RTL4: variants seen among roughly 807,000 people sequenced by gnomAD.
RTL4 encodes retrotransposon Gag like 4.
In RTL4, 4 loss-of-function variants were observed where a neutral mutation model predicts 5.3. That is an observed-to-expected ratio of 0.75 (90% CI 0.37 to 1.72). The LOEUF (loss-of-function observed/expected upper bound fraction) is 1.72. RTL4 is among the 40% of genes most tolerant of loss of function. The pLI is 0.04. For missense variants in RTL4, 260 were observed against 227.1 expected, an observed-to-expected ratio of 1.14 and a Z score of -0.93; for synonymous variants, 98 against 87.3, an observed-to-expected ratio of 1.12 and a Z score of -0.68.
chrX:112,116,542 G>A, the RTL4 span, among the ~76,000 whole-genome samples: 20 of 111,596 alleles, frequency 1.8e-4, no homozygotes, highest in African/African-American at 6.2e-4. Flanking sequence ...TTTACAGAGT[G>A]CTGATTGGTC....
At chrX:112,236,398 A>AATATAGATATATATCTATATCTAT in the RTL4 span, among the ~76,000 whole-genome samples, 1 of 67,388 alleles carries the variant, frequency 1.5e-5, no homozygotes, top group African/African-American at 5.6e-5. Context: ...ATATATATAT[A>AATATAGATATATATCTATATCTAT]ATATAGATAT....
chrX:112,228,580 A>T, the RTL4 span, among the ~76,000 whole-genome samples: 7 of 111,944 alleles, frequency 6.3e-5, no homozygotes, highest in African/African-American at 1.9e-4. Context: ...TCAAATTTCC[A>T]GTATGCCATA....
At chrX:112,234,013 A>T in the RTL4 span, among the ~76,000 whole-genome samples, 2 of 110,012 alleles carry the variant, frequency 1.8e-5, no homozygotes, top group Admixed American at 1.9e-4. Flanking sequence ...TAACACAGTG[A>T]AACCCCGTCT....
the RTL4 span, among the ~76,000 whole-genome samples, chrX:112,147,810 G>A: frequency 6.3e-5 from 7 of 111,205 alleles, no homozygotes; most frequent in South Asian, 2.7e-3. Context: ...GTGTGGTGGG[G>A]TGCACCTGTA....
chrX:112,379,344 G>T, the RTL4 span, among the ~76,000 whole-genome samples: 3 of 112,123 alleles, frequency 2.7e-5, no homozygotes, highest in Non-Finnish European at 5.6e-5. Context: ...GGAAAACAAA[G>T]AATTGAAGTA....
At chrX:112,090,184 A>G in the RTL4 span, among the ~76,000 whole-genome samples, 1 of 110,309 alleles carries the variant, frequency 9.1e-6, no homozygotes, top group African/African-American at 3.3e-5. Context: ...GATCTTATAT[A>G]TAAGATCTGT....
the RTL4 span, among the ~76,000 whole-genome samples, chrX:112,191,977 C>A: frequency 2.7e-5 from 3 of 109,106 alleles, no homozygotes. Flanking sequence ...AGTTAAATTT[C>A]TTCCTAGGTA....
chrX:112,291,549 A>G, the RTL4 span, among the ~76,000 whole-genome samples: 1 of 110,189 alleles, frequency 9.1e-6, no homozygotes, highest in Non-Finnish European at 1.9e-5. Context: ...CAGGGTGAAA[A>G]CCAGAAGAAA....
At chrX:112,333,375 C>T in the RTL4 span, among the ~76,000 whole-genome samples, 1 of 110,617 alleles carries the variant, frequency 9.0e-6, no homozygotes, top group African/African-American at 3.3e-5. Flanking sequence ...CCTATTAGGT[C>T]CTCTTAGCAT....
the RTL4 span, among the ~76,000 whole-genome samples, chrX:112,349,107 A>G: frequency 1.8e-5 from 2 of 110,991 alleles, no homozygotes; most frequent in Admixed American, 9.6e-5. Flanking sequence ...TCTGCTCAAG[A>G]GTCCATGCTC....
chrX:112,195,637 G>A, the RTL4 span, among the ~76,000 whole-genome samples: 3 of 111,275 alleles, frequency 2.7e-5, no homozygotes, highest in Non-Finnish European at 5.7e-5. Flanking sequence ...TGAGGTTGCT[G>A]CATGAGATTT....
At chrX:112,083,573 G>T in the RTL4 span, among the ~76,000 whole-genome samples, 34 of 111,416 alleles carry the variant, frequency 3.1e-4, no homozygotes, top group Admixed American at 2.9e-3. Context: ...CCATAGGGTC[G>T]ATCTCCCAAG....
At chrX:112,437,784 ATGGTAGTGGTGGTGGTGATGGTGG>A in the RTL4 span, among the ~76,000 whole-genome samples, 1 of 84,821 alleles carries the variant, frequency 1.2e-5, no homozygotes, top group African/African-American at 4.5e-5. Flanking sequence ...TCTGTAAGTC[ATGGTAGTGGTGGTGGTGATGGTGG>A]TGGTGGTGGT....
the RTL4 span, among the ~76,000 whole-genome samples, chrX:112,426,325 A>G: frequency 9.0e-6 from 1 of 111,373 alleles, no homozygotes; most frequent in South Asian, 3.7e-4. Context: ...TCTTTATATT[A>G]AAATTTGAAA....
chrX:112,193,689 C>T, the RTL4 span, among the ~76,000 whole-genome samples: 2 of 111,101 alleles, frequency 1.8e-5, no homozygotes, highest in Non-Finnish European at 3.8e-5. Context: ...TCCCTTTATG[C>T]ATACTTGATG....
the RTL4 span, among the ~76,000 whole-genome samples, chrX:112,083,926 T>A: frequency 9.0e-6 from 1 of 111,128 alleles, no homozygotes. Context: ...ATATTGGCTT[T>A]GTCTTTTATC....
At chrX:112,362,748 C>T in the RTL4 span, among the ~76,000 whole-genome samples, 1 of 110,889 alleles carries the variant, frequency 9.0e-6, no homozygotes, top group African/African-American at 3.3e-5. Flanking sequence ...GTCCCCTTCC[C>T]AACAGACTCT....
At chrX:112,094,269 G>A in the RTL4 span, among the ~76,000 whole-genome samples, 5 of 111,694 alleles carry the variant, frequency 4.5e-5, no homozygotes, top group Non-Finnish European at 9.4e-5. Context: ...GGGTAAGCCA[G>A]GGGGATGTGT....
chrX:112,349,954 G>A, the RTL4 span, among the ~76,000 whole-genome samples: 4 of 110,099 alleles, frequency 3.6e-5, no homozygotes, highest in African/African-American at 1.3e-4. Context: ...TTTTCAAAGG[G>A]AATGCTTCCA....
Sources: gnomAD v4.1 joint callset for allele counts (sites outside exome capture counted in the v4.1 genomes callset) on GRCh38, gnomAD v4.1.1 for gene constraint, MANE v1.5 for transcripts, NCBI Gene and HGNC (gene_info 2026-07-23, HGNC 2026-07-21) for gene names.